The following SMG6 variants were observed in gnomAD, a reference collection of about 807,000 sequenced individuals.
The protein encoded by SMG6 is telomerase-binding protein EST1A.
In SMG6, 66 loss-of-function variants were observed where a neutral mutation model predicts 142.2. The ratio of observed to expected loss-of-function variants is 0.46; its 90% CI spans 0.38 to 0.57. The LOEUF (loss-of-function observed/expected upper bound fraction) is 0.57. SMG6 is among the 20% of genes least tolerant of loss of function. The pLI is 0.00. For missense variants in SMG6, 1,793 were observed against 1,832.0 expected (o/e 0.98, Z 0.39); for synonymous variants, 779 against 702.4 (o/e 1.11, Z -1.72).
intron 13 of SMG6, among the ~76,000 whole-genome samples, chr17:2,099,488 GA>G (rs35289578): frequency 2.1e-4 from 30 of 146,150 alleles, no homozygotes; most frequent in South Asian, 1.1e-3. Flanking sequence ...GTCATGCTTT[GA>G]AAAAAAAAAA....
rs772248013 is a variant in SMG6 at position 2,292,531 on chromosome 17, CCT to C, written c.2337+19_2337+20del. Reference sequence around the variant, plus strand: ...GATACTTCCTGCAAAGCACTTTTCCCCTGTCCACAGGATTTCTTACCGTATAC... The same window carrying C: ...GATACTTCCTGCAAAGCACTTTTCCCGTCCACAGGATTTCTTACCGTATAC... On this transcript the variant is annotated intron_variant, in intron 6 of 18. Transcript: ENST00000263073. The C allele has an allele frequency of 9.9e-6, 16 of 1,612,228 alleles. No homozygotes were observed. Among genetic ancestry groups the C allele is most frequent in the African/African-American group, 2.7e-5 (2 of 74,982 alleles).
intron 8 of SMG6, among the ~76,000 whole-genome samples, chr17:2,268,742 T>G (rs768425244): frequency 1.7e-4 from 26 of 149,888 alleles, no homozygotes; most frequent in Non-Finnish European, 3.3e-4. Context: ...AAACCCCATC[T>G]CTACTAAAAA....
At chr17:2,120,136 TAGA>T (rs1348112436) in intron 13 of SMG6, among the ~76,000 whole-genome samples, 1 of 152,136 alleles carries the variant, frequency 6.6e-6, no homozygotes, top group African/African-American at 2.4e-5. Context: ...GAGAACCGAG[TAGA>T]AGATCCTCAT....
intron 13 of SMG6, among the ~76,000 whole-genome samples, chr17:2,110,756 T>G (rs1377290361): frequency 6.6e-6 from 1 of 152,126 alleles, no homozygotes; most frequent in Non-Finnish European, 1.5e-5. Flanking sequence ...CAAAATAATG[T>G]GCAAAGTATA....
intron 13 of SMG6, among the ~76,000 whole-genome samples, chr17:2,142,801 T>A (rs926461132): frequency 6.7e-6 from 1 of 148,242 alleles, no homozygotes; most frequent in Non-Finnish European, 1.5e-5. Context: ...GGCGGGAGAA[T>A]TGGTTGAACC....
chr17:2,093,795 T>C (rs1263774476), intron 13 of SMG6, among the ~76,000 whole-genome samples: 1 of 152,184 alleles, frequency 6.6e-6, no homozygotes, highest in Non-Finnish European at 1.5e-5. Flanking sequence ...TTTTTAAAAA[T>C]TGTTTTGTAA....
At chr17:2,243,295 G>C (rs572289874) in intron 9 of SMG6, among the ~76,000 whole-genome samples, 1 of 152,212 alleles carries the variant, frequency 6.6e-6, no homozygotes, top group Non-Finnish European at 1.5e-5. Context: ...CCGTGGAGCA[G>C]AGTTTCTTCC....
chr17:2,146,540 A>G (rs1344332087), intron 13 of SMG6, among the ~76,000 whole-genome samples: 1 of 152,162 alleles, frequency 6.6e-6, no homozygotes, highest in Non-Finnish European at 1.5e-5. Flanking sequence ...ATGGCTCAAG[A>G]TGATAATGTC....
chr17:2,233,659 C>T (rs2073562705), intron 10 of SMG6: 1 of 151,356 alleles, frequency 6.6e-6, no homozygotes, highest in Non-Finnish European at 1.5e-5. Context: ...AACCCCCCTC[C>T]TTCTCCACCC....
chr17:2,076,572 T>C (rs765456017), intron 15 of SMG6, among the ~76,000 whole-genome samples: 19 of 152,216 alleles, frequency 1.2e-4, no homozygotes, highest in Non-Finnish European at 2.1e-4. Context: ...TCACCGGCCC[T>C]GTTTTACAGC....
At chr17:2,265,391 T>TC (rs1377330855) in intron 8 of SMG6, among the ~76,000 whole-genome samples, 1 of 152,008 alleles carries the variant, frequency 6.6e-6, no homozygotes, top group Non-Finnish European at 1.5e-5. Context: ...GAGCCTGTAG[T>TC]CCCAGCTACT....
At chr17:2,137,687 T>G (rs891457498) in intron 13 of SMG6, among the ~76,000 whole-genome samples, 1 of 152,098 alleles carries the variant, frequency 6.6e-6, no homozygotes, top group Non-Finnish European at 1.5e-5. Context: ...GAAAGCGCCA[T>G]GGGACTAGGT....
At chr17:2,072,189 G>A (rs1017587712) in intron 15 of SMG6, among the ~76,000 whole-genome samples, 1 of 152,040 alleles carries the variant, frequency 6.6e-6, no homozygotes, top group Admixed American at 6.5e-5. Context: ...TGGGGGTGAG[G>A]GGGGTGCAAC....
At chr17:2,283,285 G>C (rs145022289) in intron 7 of SMG6, among the ~76,000 whole-genome samples, 33 of 152,300 alleles carry the variant, frequency 2.2e-4, no homozygotes, top group African/African-American at 7.9e-4. Flanking sequence ...CAGTCCCAAA[G>C]TAGCAGAGTG....
chr17:2,282,927 T>G, intron 7 of SMG6, 68 bp from the exon 8 acceptor site: 1 of 1,508,870 alleles, frequency 6.6e-7, no homozygotes, highest in South Asian at 1.1e-5. Context: ...TCCCAGCACT[T>G]AGAGATGCGG....
In SMG6 at chr17:2,292,734, T is replaced by C. The variant is rs1176917866; in HGVS notation, c.2259-104A>G. On this transcript the variant is annotated intron_variant, in intron 5 of 18. Coordinates refer to ENST00000263073, the MANE Select transcript of SMG6 (RefSeq NM_017575.5). The stretch of plus-strand genomic sequence containing the variant: ...AAAACATAAGGTAGAGTGTTAGATG[T>C]AACCCTGGAGGGGTAAGGCATGACT... The C allele has an allele frequency of 6.1e-6, 9 of 1,485,612 alleles. No individual in the cohort carries two copies. In the East Asian group the frequency reaches 1.8e-4, roughly 30 times the overall value. The allele number at this position is 1,485,612 out of a possible 1,614,324, so 92.0% of individuals were successfully genotyped here.
intron 10 of SMG6, among the ~76,000 whole-genome samples, chr17:2,224,900 G>A (rs1278875179): frequency 6.6e-6 from 1 of 152,176 alleles, no homozygotes; most frequent in African/African-American, 2.4e-5. Flanking sequence ...GCTTTCAAAA[G>A]AGAAACAAAA....
intron 13 of SMG6, among the ~76,000 whole-genome samples, chr17:2,137,577 AAGGC>A (rs2070344728): frequency 1.3e-5 from 2 of 152,028 alleles, no homozygotes. Context: ...TTTAAAAGAA[AAGGC>A]AACACTTCCC....
intron 10 of SMG6, among the ~76,000 whole-genome samples, chr17:2,213,314 C>A (rs2072917669): frequency 6.6e-6 from 1 of 152,194 alleles, no homozygotes; most frequent in Non-Finnish European, 1.5e-5. Context: ...ATTGAGCTGA[C>A]AATCAGGATT....
Sources: gnomAD v4.1 joint callset for allele counts (sites outside exome capture counted in the v4.1 genomes callset) on GRCh38, gnomAD v4.1.1 for gene constraint, MANE v1.5 for transcripts, NCBI Gene and HGNC (gene_info 2026-07-23, HGNC 2026-07-21) for gene names.